OSBPL9: variants seen among roughly 807,000 people sequenced by gnomAD.
The protein encoded by OSBPL9 is oxysterol-binding protein-related protein 9.
A neutral mutation model predicts 106.6 loss-of-function variants in OSBPL9; 40 were observed. The ratio of observed to expected loss-of-function variants is 0.38; its 90% confidence interval spans 0.29 to 0.49. OSBPL9 has a LOEUF of 0.49. Ranked by LOEUF, OSBPL9 falls within the 20% of genes least tolerant of loss-of-function variation. The probability of loss-of-function intolerance (pLI) is 0.97; values close to 1 mark genes in which losing one functional copy is unlikely to be tolerated. For synonymous variants in OSBPL9, 269 were observed against 295.4 expected, an observed-to-expected ratio of 0.91 and a Z score of 0.92; for missense variants, 609 against 887.2, an observed-to-expected ratio of 0.69 and a Z score of 3.98.
the OSBPL9 span, among the ~76,000 whole-genome samples, chr1:51,530,315 T>C: frequency 1.3e-5 from 2 of 151,584 alleles, no homozygotes; most frequent in South Asian, 2.1e-4. Flanking sequence ...AAACTGGATG[T>C]CATCAGAACT....
At chr1:51,523,952 AC>A in the OSBPL9 span, among the ~76,000 whole-genome samples, 1 of 152,228 alleles carries the variant, frequency 6.6e-6, no homozygotes, top group Admixed American at 6.5e-5. Flanking sequence ...AAACTGAGGA[AC>A]TCTCTGAATA....
At chr1:51,642,611 C>T (rs940230271) in intron 1 of OSBPL9, among the ~76,000 whole-genome samples, 1 of 152,112 alleles carries the variant, frequency 6.6e-6, no homozygotes, top group Non-Finnish European at 1.5e-5. Flanking sequence ...GCAACTGTCC[C>T]CCTCCCCTCA....
intron 2 of OSBPL9, among the ~76,000 whole-genome samples, chr1:51,601,312 T>C (rs929249546): frequency 6.6e-6 from 1 of 152,228 alleles, no homozygotes; most frequent in African/African-American, 2.4e-5. Context: ...GTAATTGATA[T>C]ACTTCCACTT....
In OSBPL9 at chr1:51,621,239, C is replaced by T. The variant is rs145571880; in HGVS notation, c.111+4018C>T. The stretch of plus-strand genomic sequence containing the variant: ...GTATGTGGCCAGGCATGGTGGCTCA[C>T]GCCTGTAATCCCAGCACCTTGGGAG... On this transcript the variant is annotated intron_variant, in intron 1 of 23. Transcript: ENST00000428468. Among the ~76,000 whole-genome samples, 90 of 152,308 alleles carry T rather than the reference C, an allele frequency of 5.9e-4. 1 individual carries two copies. The highest frequency in any genetic ancestry group is 4.6e-4 in the Non-Finnish European group (31 of 68,028).
At chr1:51,714,144 C>A in intron 4 of OSBPL9, 65 bp downstream of exon 4, 2 of 1,236,516 alleles carry the variant, frequency 1.6e-6, no homozygotes, top group South Asian at 1.6e-5. Context: ...TGTCTGTTTT[C>A]TGTTTTTTTT....
intron 3 of OSBPL9, among the ~76,000 whole-genome samples, chr1:51,698,549 G>A (rs1221463748): frequency 6.6e-6 from 1 of 152,098 alleles, no homozygotes; most frequent in Non-Finnish European, 1.5e-5. Context: ...TCTTATTGTG[G>A]GTCGCAGTCA....
At chr1:51,617,811 G>A (rs1282391780) in intron 1 of OSBPL9, among the ~76,000 whole-genome samples, 1 of 152,134 alleles carries the variant, frequency 6.6e-6, no homozygotes, top group East Asian at 1.9e-4. Flanking sequence ...CGGGAGGCGA[G>A]CTCAAACGAC....
At chr1:51,781,088 C>T in intron 15 of OSBPL9, 76 bp from the exon 16 acceptor site, 12 of 1,431,894 alleles carry the variant, frequency 8.4e-6, no homozygotes, top group Non-Finnish European at 1.2e-5. Flanking sequence ...CTTAGGTGGA[C>T]CATGCTGGGG....
At chr1:51,608,651 C>G (rs1341218190) in intron 2 of OSBPL9, among the ~76,000 whole-genome samples, 1 of 150,034 alleles carries the variant, frequency 6.7e-6, no homozygotes, top group Non-Finnish European at 1.5e-5. Flanking sequence ...TGACCATCAT[C>G]TGATGGTCAC....
intron 1 of OSBPL9, among the ~76,000 whole-genome samples, chr1:51,651,097 C>T (rs1646490695): frequency 6.6e-6 from 1 of 152,162 alleles, no homozygotes; most frequent in Non-Finnish European, 1.5e-5. Context: ...ACACAGAAGA[C>T]TCTGGGAGCC....
chr1:51,630,757 T>C lies in OSBPL9; in HGVS notation c.111+13536T>C, dbSNP rs558181159. Among the ~76,000 whole-genome samples the C allele has an allele frequency of 1.4e-4, 22 of 152,370 alleles. No homozygotes were observed. In the East Asian group the frequency reaches 4.0e-3, roughly 28 times the overall value. The stretch of plus-strand genomic sequence containing the variant: ...CTGTAGTGCTTTACTTGATAAACTT[T>C]TAATTTTTTTAAAACACCTTTAATT... On this transcript the variant is annotated intron_variant, in intron 1 of 23. Transcript: ENST00000428468.
At chr1:51,558,278 T>C in the OSBPL9 span, among the ~76,000 whole-genome samples, 1 of 126,150 alleles carries the variant, frequency 7.9e-6, no homozygotes, top group East Asian at 2.0e-4. Context: ...AGACTCCGTC[T>C]CAAAAAGAAA....
chr1:51,550,272 G>A, the OSBPL9 span, among the ~76,000 whole-genome samples: 5 of 152,170 alleles, frequency 3.3e-5, no homozygotes, highest in African/African-American at 7.2e-5. Flanking sequence ...ACGTGAGCAG[G>A]TAGTACAGAA....
In OSBPL9 at chr1:51,782,676, C is replaced by G. The variant is rs745783403; in HGVS notation, c.1513+33C>G. Reference sequence around the variant, plus strand: ...ACAGAGCTCCTCTGCAACCTGTGCTCTCAAAACTATTCTGTCTAAAGAGGG... The same window carrying G: ...ACAGAGCTCCTCTGCAACCTGTGCTGTCAAAACTATTCTGTCTAAAGAGGG... On this transcript the variant is annotated intron_variant, in intron 17 of 23. Coordinates refer to ENST00000428468, the MANE Select transcript of OSBPL9 (RefSeq NM_024586.6). 5 of 1,591,824 alleles carry G rather than the reference C, an allele frequency of 3.1e-6. No individual in the cohort carries two copies. In the African/African-American group the frequency reaches 4.0e-5, roughly 13 times the overall value.
chr1:51,571,970 G>A, the OSBPL9 span, among the ~76,000 whole-genome samples: 1 of 152,162 alleles, frequency 6.6e-6, no homozygotes, highest in Non-Finnish European at 1.5e-5. Flanking sequence ...CACACTGAGA[G>A]GAGATGAGTG....
At chr1:51,610,764 C>A (rs1643982047) in intron 2 of OSBPL9, among the ~76,000 whole-genome samples, 1 of 152,214 alleles carries the variant, frequency 6.6e-6, no homozygotes, top group South Asian at 2.1e-4. Flanking sequence ...TTCCCTGACC[C>A]TTTTATTCAG....
chr1:51,623,246 T>C (rs1244923760), intron 1 of OSBPL9, among the ~76,000 whole-genome samples: 4 of 152,052 alleles, frequency 2.6e-5, no homozygotes, highest in Non-Finnish European at 5.9e-5. Context: ...AGATGTTTCA[T>C]TGTAGAAAGG....
chr1:51,787,216 G>T, intron 22 of OSBPL9, 137 bp from the exon 23 acceptor site: 1 of 794,506 alleles, frequency 1.3e-6, no homozygotes, highest in Non-Finnish European at 2.1e-6. Flanking sequence ...TTACTCCAGT[G>T]CCCTGGTGCC....
intron 4 of OSBPL9, among the ~76,000 whole-genome samples, chr1:51,731,441 A>G (rs1338760099): frequency 6.6e-6 from 1 of 152,102 alleles, no homozygotes; most frequent in African/African-American, 2.4e-5. Context: ...ACAGAGAGCA[A>G]GACTCTGTCT....
Sources: gnomAD v4.1 joint callset for allele counts (sites outside exome capture counted in the v4.1 genomes callset) on GRCh38, gnomAD v4.1.1 for gene constraint, MANE v1.5 for transcripts, NCBI Gene and HGNC (gene_info 2026-07-23, HGNC 2026-07-21) for gene names.